The following PIK3CG variants were observed in gnomAD, a reference collection of about 807,000 sequenced individuals.
PIK3CG encodes the protein phosphatidylinositol 4,5-bisphosphate 3-kinase catalytic subunit gamma isoform.
PIK3CG carries 55 observed loss-of-function variants against 102.3 expected under a neutral mutation model. The ratio of observed to expected loss-of-function variants is 0.54; its 90% CI spans 0.43 to 0.67. The LOEUF (loss-of-function observed/expected upper bound fraction) is 0.67, where lower values mean the gene tolerates loss of function less well. Ranked by LOEUF, PIK3CG falls within the 30% of genes least tolerant of loss-of-function variation. PIK3CG has a pLI of 0.00. For missense variants in PIK3CG, 1,258 were observed against 1,391.8 expected (o/e 0.90, Z 1.53); for synonymous variants, 552 against 540.0 (o/e 1.02, Z -0.31).
At chr7:106,866,476 A>T (rs1368587690) in intron 1 of PIK3CG, among the ~76,000 whole-genome samples, 2 of 152,196 alleles carry the variant, frequency 1.3e-5, no homozygotes, top group Non-Finnish European at 2.9e-5. Context: ...TAAATTTGTG[A>T]ATTTGTGTTA....
intron 10 of PIK3CG, among the ~76,000 whole-genome samples, chr7:106,896,308 A>G (rs562066181): frequency 1.2e-4 from 19 of 152,314 alleles, no homozygotes; most frequent in African/African-American, 4.6e-4. Context: ...GTTCTATTAA[A>G]AAGAGTTTGA....
Position 106,894,673 on chromosome 7 carries a change from T to C in PIK3CG, c.3030+8381T>C, listed in dbSNP as rs1398363106. Reference sequence around the variant, plus strand: ...ACTGGAATGATTTTTATCCATTGTCTCCTTCCTCTAGCAGACAGAGGCAAC... The same window carrying C: ...ACTGGAATGATTTTTATCCATTGTCCCCTTCCTCTAGCAGACAGAGGCAAC... On this transcript the variant is annotated intron_variant, in intron 10 of 10. Coordinates refer to ENST00000496166, the MANE Select transcript of PIK3CG (RefSeq NM_001282426.2). The surrounding 1 kb of genome is among the most constrained non-coding windows in gnomAD (Gnocchi z 4.4). Among the ~76,000 whole-genome samples the C allele has an allele frequency of 1.3e-5, 2 of 152,206 alleles. No homozygotes were observed. The highest frequency in any genetic ancestry group is 2.9e-5 in the Non-Finnish European group (2 of 68,030).
At chr7:106,870,651 C>T (rs927268363) in intron 2 of PIK3CG, among the ~76,000 whole-genome samples, 2 of 152,192 alleles carry the variant, frequency 1.3e-5, no homozygotes, top group East Asian at 1.9e-4. Context: ...GAGTAAGTGA[C>T]ATTTGACCTG....
At position 106,895,746 on chromosome 7, in the gene PIK3CG, C is replaced by T. The variant is rs1226975540; in HGVS notation, c.3031-9363C>T. Among the ~76,000 whole-genome samples the T allele has an allele frequency of 6.6e-6, 1 of 152,218 alleles. No individual in the cohort carries two copies. The highest frequency in any genetic ancestry group is 1.5e-5 in the Non-Finnish European group (1 of 68,036). On this transcript the variant is annotated intron_variant, in intron 10 of 10. Transcript: ENST00000496166. This position sits in a 1 kb window ranked among gnomAD's most constrained non-coding sequence, Gnocchi z 5.4. ...GGTATTGATTAGTAATCATAGCCAA[C>T]TACTTATGTAGCACTTAAATCTCAC...
intron 10 of PIK3CG, among the ~76,000 whole-genome samples, chr7:106,901,843 G>T (rs556904309): frequency 7.1e-4 from 108 of 152,286 alleles, no homozygotes; most frequent in Middle Eastern, 3.4e-3. Flanking sequence ...TATTTTTGGT[G>T]TTGAAGCTTT....
rs2116461347 is a variant in PIK3CG, at chr7:106,869,248, C to T, written c.1687C>T (p.Pro563Ser). ...KQLEAIIATD[P>S]LNPLTAEDKE... Reference sequence around the variant, plus strand: ...ATTGGAGGCGATCATAGCCACTGATCCACTTAACCCTCTCACAGCAGAGGA... The same window carrying T: ...ATTGGAGGCGATCATAGCCACTGATTCACTTAACCCTCTCACAGCAGAGGA... Residue 563 changes from proline to serine, a missense_variant, in exon 2 of 11, where the codon CCA (proline) becomes TCA (serine). Physicochemically the swap from Pro to Ser is moderately conservative, Grantham distance 74 (BLOSUM62 -1). Transcript: ENST00000496166. The surrounding 1 kb of genome is among the most constrained non-coding windows in gnomAD (Gnocchi z 5.3). 1 of 1,614,214 alleles carries T rather than the reference C, an allele frequency of 6.2e-7. No individual in the cohort carries two copies. The highest frequency in any genetic ancestry group is 8.5e-7 in the Non-Finnish European group (1 of 1,180,042).
At position 106,877,977 on chromosome 7, in the gene PIK3CG, T is replaced by C. The variant is rs1790811386; in HGVS notation, c.2392-1542T>C. ...CTTAATAGATGAAATAATTTTTAAC[T>C]ATTCACCTACATATTTACCATTTTT... On this transcript the variant is annotated intron_variant, in intron 5 of 10. Coordinates refer to ENST00000496166, the MANE Select transcript of PIK3CG (RefSeq NM_001282426.2). This position sits in a 1 kb window ranked among gnomAD's most constrained non-coding sequence, Gnocchi z 4.5. 6.6e-6 allele frequency among the ~76,000 whole-genome samples: 1 copy of C among 152,246 alleles called. No homozygotes were observed. Among genetic ancestry groups the C allele is most frequent in the South Asian group, 2.1e-4 (1 of 4,832 alleles).
chr7:106,881,045 C>T (rs1486476756), intron 6 of PIK3CG, among the ~76,000 whole-genome samples: 1 of 152,142 alleles, frequency 6.6e-6, no homozygotes, highest in African/African-American at 2.4e-5. Context: ...GCCCTTCACT[C>T]AACAAAAACA....
In PIK3CG at chr7:106,868,280, C is replaced by G; in HGVS notation, c.719C>G (p.Thr240Ser). ...SQTIKVSPDD[T>S]PGAILQSFFT... The stretch of plus-strand genomic sequence containing the variant: ...ACCATTAAGGTCTCACCCGACGACA[C>G]CCCCGGCGCCATCCTGCAGAGCTTC... The change falls in exon 2 of 11, where the codon ACC (threonine) becomes AGC (serine). Residue 240 changes from threonine to serine, a missense_variant. Around this residue, in one of 2 missense-constraint regions of PIK3CG, gnomAD observed 832 missense variants for 787.5 expected, o/e 1.06. Coordinates refer to ENST00000496166, the MANE Select transcript of PIK3CG (RefSeq NM_001282426.2). The surrounding 1 kb of genome is among the most constrained non-coding windows in gnomAD (Gnocchi z 6.2). The G allele has an allele frequency of 6.2e-7, 1 of 1,613,982 alleles. No homozygotes were observed. The highest frequency in any genetic ancestry group is 8.5e-7 in the Non-Finnish European group (1 of 1,180,046).
chr7:106,872,157 T>C lies in PIK3CG; in HGVS notation c.1996-380T>C, dbSNP rs1790553182. Among the ~76,000 whole-genome samples the C allele has an allele frequency of 6.6e-6, 1 of 152,236 alleles. No homozygotes were observed. The highest frequency in any genetic ancestry group is 1.5e-5 in the Non-Finnish European group (1 of 68,038). ...TCCATTTTCTTTCTCACATTCTCTCTTACCTTCCACTTTATAGATTGGTTA... is the reference window on the plus strand; with the variant it reads ...TCCATTTTCTTTCTCACATTCTCTCCTACCTTCCACTTTATAGATTGGTTA... On this transcript the variant is annotated intron_variant, in intron 2 of 10. Transcript: ENST00000496166. This position sits in a 1 kb window ranked among gnomAD's most constrained non-coding sequence, Gnocchi z 5.3.
chr7:106,883,104 G>A lies in PIK3CG; in HGVS notation c.2701G>A (p.Ala901Thr), dbSNP rs2116545026. 1 of 1,614,068 alleles carries A rather than the reference G, an allele frequency of 6.2e-7. No homozygotes were observed. Residue 901 changes from alanine to threonine, a missense_variant, in exon 8 of 11, where the codon GCA (alanine) becomes ACA (threonine). Ala to Thr is a moderately conservative substitution (Grantham distance 58). This residue lies in a region of PIK3CG where 426 missense variants were observed against 604.2 expected (regional missense o/e 0.71). Transcript: ENST00000496166. The surrounding 1 kb of genome is among the most constrained non-coding windows in gnomAD (Gnocchi z 5.8). ...IQQSTVGNTG[A>T]FKDEVLNHWL... ...GCAAAGCACAGTGGGCAACACGGGA[G>A]CATTTAAAGATGAAGTCCTGAATCA...
Position 106,884,043 on chromosome 7 carries a change from A to C in PIK3CG, c.2761-112A>C. The C allele has an allele frequency of 2.5e-6, 2 of 793,628 alleles. No homozygotes were observed. The highest frequency in any genetic ancestry group is 2.4e-5 in the East Asian group (1 of 40,830). The allele number at this position is 793,628 out of a possible 1,614,324, so 49.2% of individuals were successfully genotyped here. On this transcript the variant is annotated intron_variant, in intron 8 of 10. Transcript: ENST00000496166. This position sits in a 1 kb window ranked among gnomAD's most constrained non-coding sequence, Gnocchi z 4.2. Reference sequence around the variant, plus strand: ...ATGCTAATGAAATCAGGCACAACTAACTTGCTCTCTGAAAATGGTTTCCAG... The same window carrying C: ...ATGCTAATGAAATCAGGCACAACTACCTTGCTCTCTGAAAATGGTTTCCAG...
chr7:106,875,354 C>T lies in PIK3CG; in HGVS notation c.2391+551C>T, dbSNP rs796083717. Among the ~76,000 whole-genome samples, 7 of 89,248 alleles carry T rather than the reference C, an allele frequency of 7.8e-5. No individual in the cohort carries two copies. The South Asian group carries it at 1.4e-3, about 18-fold the overall frequency. The allele number at this position is 89,248 out of a possible 152,430, so 58.6% of individuals were successfully genotyped here. ...CAGCCTGGGTGACAGAGCAAGACTC[C>T]GTCTCAAAAAAAAAAAAAAAAGTAG... is the stretch of plus-strand genomic sequence containing the variant. On this transcript the variant is annotated intron_variant, in intron 5 of 10. Coordinates refer to ENST00000496166, the MANE Select transcript of PIK3CG (RefSeq NM_001282426.2).
rs1790637757 is a variant in PIK3CG, at chr7:106,874,151, G to A, written c.2288-549G>A. Among the ~76,000 whole-genome samples, 2 of 152,046 alleles carry A rather than the reference G, an allele frequency of 1.3e-5. No homozygotes were observed. The highest frequency in any genetic ancestry group is 4.8e-5 in the African/African-American group (2 of 41,394). On this transcript the variant is annotated intron_variant, in intron 4 of 10. Transcript: ENST00000496166. This position sits in a 1 kb window ranked among gnomAD's most constrained non-coding sequence, Gnocchi z 4.3. ...TTTAAGAAAGGAAAACATTTGTACT[G>A]ACCCTCATTCTGTCAGTCATCCAGT...
chr7:106,868,160 C>A lies in PIK3CG; in HGVS notation c.599C>A (p.Pro200Gln), dbSNP rs2116432321. Residue 200 changes from proline to glutamine, a missense_variant, in exon 2 of 11, where the codon CCG becomes CAG. Coordinates refer to ENST00000496166, the MANE Select transcript of PIK3CG (RefSeq NM_001282426.2). This position sits in a 1 kb window ranked among gnomAD's most constrained non-coding sequence, Gnocchi z 6.2. ...GACCCCAAGCTCTACGCCATGCACC[C>A]GTGGGTGACGTCCAAGCCCCTCCCG... ...SRDPKLYAMH[P>Q]WVTSKPLPEY... 6.2e-7 allele frequency: 1 copy of A among 1,612,992 alleles called. No individual in the cohort carries two copies. The highest frequency in any genetic ancestry group is 8.5e-7 in the Non-Finnish European group (1 of 1,180,010).
At position 106,897,132 on chromosome 7, in the gene PIK3CG, A is replaced by ATT. The variant is rs1791429639; in HGVS notation, c.3031-7976_3031-7975insTT. On this transcript the variant is annotated intron_variant, in intron 10 of 10. Coordinates refer to ENST00000496166, the MANE Select transcript of PIK3CG (RefSeq NM_001282426.2). The surrounding 1 kb of genome is among the most constrained non-coding windows in gnomAD (Gnocchi z 4.6). ...AGTATCTTTCTAGTAGTTCCAGGAC[A>ATT]TGCAATTTTAAGTACTTTTTGTGAA... Among the ~76,000 whole-genome samples, 2 of 152,228 alleles carry ATT rather than the reference A, an allele frequency of 1.3e-5. No individual in the cohort carries two copies. The highest frequency in any genetic ancestry group is 2.4e-5 in the African/African-American group (1 of 41,460).
chr7:106,884,496 G>A lies in PIK3CG; in HGVS notation c.2872+230G>A, dbSNP rs570938990. Among the ~76,000 whole-genome samples, 2 of 152,162 alleles carry A rather than the reference G, an allele frequency of 1.3e-5. No homozygotes were observed. The highest frequency in any genetic ancestry group is 2.4e-5 in the African/African-American group (1 of 41,518). ...CCCCATGCCTCCCTCCTTTCAGAAC[G>A]GAGTAGTCTTTAAATGGAGTTTAAG... On this transcript the variant is annotated intron_variant, in intron 9 of 10. Transcript: ENST00000496166. This position sits in a 1 kb window ranked among gnomAD's most constrained non-coding sequence, Gnocchi z 4.2.
In PIK3CG at chr7:106,906,512, G is replaced by A. The variant is rs1230874014; in HGVS notation, c.*1125G>A. 4.4e-6 allele frequency: 1 copy of A among 229,430 alleles called. No individual in the cohort carries two copies. Among genetic ancestry groups the A allele is most frequent in the Non-Finnish European group, 8.6e-6 (1 of 115,976 alleles). 14.2% of individuals were successfully genotyped at this position (229,430 alleles called of 1,614,324 possible). ...TTCCAAGTTAGGAAGAACACTACTT[G>A]CCTTATCCATTTCCCATTTAAAGGA... On this transcript the variant is annotated 3_prime_UTR_variant, in exon 11 of 11. Transcript: ENST00000496166.
rs1790417492 is a variant in PIK3CG, at chr7:106,868,741, C to T, written c.1180C>T (p.Leu394Phe). 6.2e-7 allele frequency: 1 copy of T among 1,614,230 alleles called. No individual in the cohort carries two copies. Among genetic ancestry groups the T allele is most frequent in the East Asian group, 2.2e-5 (1 of 44,884 alleles). The change falls in exon 2 of 11, where the codon CTT (leucine) becomes TTT (phenylalanine). Residue 394 changes from leucine (L) to phenylalanine (F), a missense_variant. Coordinates refer to ENST00000496166, the MANE Select transcript of PIK3CG (RefSeq NM_001282426.2). This position sits in a 1 kb window ranked among gnomAD's most constrained non-coding sequence, Gnocchi z 6.2. ...AAACATCCAGCATGGGCAACAAGTC[C>T]TTTGCCAAAGGAGAACCAGCCCCAA... Reference protein sequence around the residue: ...EANIQHGQQVLCQRRTSPKPF... With the variant: ...EANIQHGQQVFCQRRTSPKPF...
Sources: allele counts gnomAD v4.1 joint callset (sites outside exome capture counted in the v4.1 genomes callset), GRCh38; gene constraint gnomAD v4.1.1; regional missense constraint gnomAD v4.1.1; non-coding constraint Gnocchi (gnomAD v3.1); transcripts MANE v1.5; gene names NCBI Gene and HGNC (gene_info 2026-07-23, HGNC 2026-07-21).